Variants in ITGBL1 observed in about 807,000 individuals in gnomAD.
ITGBL1 encodes the protein integrin subunit beta like 1, also known as integrin beta-like protein 1.
A neutral mutation model predicts 68.5 loss-of-function variants in ITGBL1; 51 were observed. That is an observed-to-expected ratio of 0.74 (90% CI 0.59 to 0.94). The LOEUF is 0.94. Among genes scored for constraint, ITGBL1 ranks in the 40% least tolerant of loss-of-function variants. The pLI is 0.00. For synonymous variants in ITGBL1, 209 were observed against 227.3 expected, an observed-to-expected ratio of 0.92 and a Z score of 0.72; for missense variants, 649 against 647.4, an observed-to-expected ratio of 1.00 and a Z score of -0.03.
At chr13:101,493,759 A>T (rs2048815376) in intron 2 of ITGBL1, among the ~76,000 whole-genome samples, 1 of 152,228 alleles carries the variant, frequency 6.6e-6, no homozygotes, top group Admixed American at 6.5e-5. Context: ...CAAGTCCATT[A>T]GCTTCATCTG....
intron 2 of ITGBL1, among the ~76,000 whole-genome samples, chr13:101,531,613 G>A (rs889393332): frequency 7.2e-6 from 1 of 138,604 alleles, no homozygotes; most frequent in Non-Finnish European, 1.6e-5. Context: ...ATTTTTTGGG[G>A]GGAGGGGATT....
chr13:101,642,588 T>C (rs1421637778), intron 7 of ITGBL1, among the ~76,000 whole-genome samples: 1 of 152,098 alleles, frequency 6.6e-6, no homozygotes, highest in Non-Finnish European at 1.5e-5. Context: ...TTTGTCAGTT[T>C]TGGCTTTTGT....
intron 2 of ITGBL1, among the ~76,000 whole-genome samples, chr13:101,531,758 AGTCTC>A (rs2049485128): frequency 1.4e-5 from 2 of 148,048 alleles, no homozygotes; most frequent in Admixed American, 1.3e-4. Flanking sequence ...TTTTAGACGG[AGTCTC>A]GCTCTGTGGC....
intron 8 of ITGBL1, among the ~76,000 whole-genome samples, chr13:101,693,214 A>G (rs1184223666): frequency 6.6e-6 from 1 of 152,174 alleles, no homozygotes; most frequent in African/African-American, 2.4e-5. Flanking sequence ...GAGGTAACCC[A>G]CAAAAATGAG....
At position 101,602,139 on chromosome 13, in the gene ITGBL1, C is replaced by T. The variant is rs557776725; in HGVS notation, c.1015+3840C>T. ...GTTACATTAAAAAACACAGTTTAGACGTTTGCTTAAAGTTTTCTGAATGAG... is the reference window on the plus strand; with the variant it reads ...GTTACATTAAAAAACACAGTTTAGATGTTTGCTTAAAGTTTTCTGAATGAG... On this transcript the variant is annotated intron_variant, in intron 7 of 10. Transcript: ENST00000376180. 3.5e-4 allele frequency among the ~76,000 whole-genome samples: 54 copies of T among 152,132 alleles called. 1 individual carries two copies. The highest frequency in any genetic ancestry group is 1.2e-3 in the African/African-American group (48 of 41,546).
chr13:101,552,979 C>T (rs1321272624), intron 2 of ITGBL1, among the ~76,000 whole-genome samples: 1 of 152,198 alleles, frequency 6.6e-6, no homozygotes, highest in Non-Finnish European at 1.5e-5. Context: ...GGATTCTTTA[C>T]ACAGCCCACT....
At chr13:101,708,612 T>C (rs1232191346) in intron 9 of ITGBL1, among the ~76,000 whole-genome samples, 2 of 152,218 alleles carry the variant, frequency 1.3e-5, no homozygotes, top group Non-Finnish European at 2.9e-5. Flanking sequence ...TTGCCTCGTA[T>C]GCAAGACCAA....
chr13:101,604,903 T>G (rs79540689), intron 7 of ITGBL1, among the ~76,000 whole-genome samples: 1 of 46,182 alleles, frequency 2.2e-5, no homozygotes, highest in Non-Finnish European at 5.2e-5. Flanking sequence ...CACACACACA[T>G]ATATATGTGC....
At chr13:101,653,037 A>T (rs1200934628) in intron 7 of ITGBL1, among the ~76,000 whole-genome samples, 3 of 151,782 alleles carry the variant, frequency 2.0e-5, no homozygotes, top group Non-Finnish European at 1.5e-5. Context: ...TGGAGGTTGC[A>T]GTGAGCCGAG....
chr13:101,508,977 A>G (rs192849439), intron 2 of ITGBL1, among the ~76,000 whole-genome samples: 1 of 152,334 alleles, frequency 6.6e-6, no homozygotes, highest in Admixed American at 6.5e-5. Flanking sequence ...GGAACCAAAC[A>G]TAAATCACAA....
chr13:101,631,822 A>T (rs1250583428), intron 7 of ITGBL1, among the ~76,000 whole-genome samples: 1 of 152,196 alleles, frequency 6.6e-6, no homozygotes, highest in Admixed American at 6.5e-5. Flanking sequence ...TGCCAAGGCA[A>T]GTTAATGAGT....
chr13:101,653,693 G>C (rs902630005), intron 7 of ITGBL1, among the ~76,000 whole-genome samples: 1 of 149,034 alleles, frequency 6.7e-6, no homozygotes. Context: ...TGGTAGAGAA[G>C]GCTTCTTTTT....
intron 2 of ITGBL1, among the ~76,000 whole-genome samples, chr13:101,501,769 A>G (rs1376553982): frequency 6.6e-6 from 1 of 152,132 alleles, no homozygotes; most frequent in Non-Finnish European, 1.5e-5. Flanking sequence ...TTGTGTTCCC[A>G]TAAGGTCAGC....
intron 7 of ITGBL1, among the ~76,000 whole-genome samples, chr13:101,606,088 T>C (rs2030831150): frequency 7.4e-6 from 1 of 135,036 alleles, no homozygotes; most frequent in Non-Finnish European, 1.6e-5. Flanking sequence ...ATATGCTATA[T>C]ATATATATAT....
chr13:101,526,577 A>T (rs183219377), intron 2 of ITGBL1, among the ~76,000 whole-genome samples: 2 of 151,816 alleles, frequency 1.3e-5, no homozygotes, highest in African/African-American at 4.8e-5. Flanking sequence ...GCAAACTAAC[A>T]CAGGAATAGA....
At chr13:101,603,270 T>G (rs975630497) in intron 7 of ITGBL1, among the ~76,000 whole-genome samples, 6 of 152,028 alleles carry the variant, frequency 3.9e-5, no homozygotes, top group Non-Finnish European at 8.8e-5. Flanking sequence ...TTTAGAGTAT[T>G]CTTTATAAAG....
At chr13:101,588,791 C>T (rs904956566) in intron 6 of ITGBL1, among the ~76,000 whole-genome samples, 52 of 151,846 alleles carry the variant, frequency 3.4e-4, no homozygotes, top group African/African-American at 1.2e-3. Flanking sequence ...ATAGCAAAAC[C>T]CAACATTTTC....
intron 7 of ITGBL1, among the ~76,000 whole-genome samples, chr13:101,633,072 G>C (rs149888460): frequency 5.9e-5 from 9 of 152,296 alleles, no homozygotes; most frequent in Non-Finnish European, 1.0e-4. Context: ...TCTGGATAAT[G>C]AACTTTCTGT....
At chr13:101,588,795 C>A (rs1006769168) in intron 6 of ITGBL1, among the ~76,000 whole-genome samples, 2 of 151,972 alleles carry the variant, frequency 1.3e-5, no homozygotes, top group Non-Finnish European at 2.9e-5. Context: ...CAAAACCCAA[C>A]ATTTTCATCT....
Sources: gnomAD v4.1 joint callset for allele counts (sites outside exome capture counted in the v4.1 genomes callset) on GRCh38, gnomAD v4.1.1 for gene constraint, MANE v1.5 for transcripts, NCBI Gene and HGNC (gene_info 2026-07-23, HGNC 2026-07-21) for gene names.